NEGR1: variants seen among roughly 807,000 people sequenced by gnomAD.
NEGR1 encodes neuronal growth regulator 1.
A neutral mutation model predicts 40.9 loss-of-function variants in NEGR1; 10 were observed. That is an observed-to-expected ratio of 0.24 (90% CI 0.15 to 0.42). The LOEUF (loss-of-function observed/expected upper bound fraction) is 0.42, where lower values mean the gene tolerates loss of function less well. NEGR1 is among the 10% of genes least tolerant of loss of function. The pLI is 1.00. For missense variants in NEGR1, 352 were observed against 438.9 expected (o/e 0.80, Z 1.77); for synonymous variants, 185 against 166.8 (o/e 1.11, Z -0.84).
At chr1:72,174,513 G>C (rs1300017781) in intron 1 of NEGR1, among the ~76,000 whole-genome samples, 1 of 152,188 alleles carries the variant, frequency 6.6e-6, no homozygotes, top group East Asian at 1.9e-4. Context: ...CTCCAACTCT[G>C]AGTAAACATT....
rs183889915 is a variant in NEGR1 at position 72,136,096 on chromosome 1, A to C, written c.176+146223T>G. Among the ~76,000 whole-genome samples the C allele has an allele frequency of 5.2e-4, 79 of 152,282 alleles. 2 individuals are homozygous for C. The East Asian group carries it at 0.015, about 29-fold the overall frequency. On this transcript the variant is annotated intron_variant, in intron 1 of 6. Transcript: ENST00000357731. ...AGGCAAACAACAACATAAAATTCAC[A>C]CTGTCTAACATTCATTCAATAAACA...
chr1:72,161,676 C>CTTTTTTTTTTTTTTTTTTTT (rs779074685), intron 1 of NEGR1, among the ~76,000 whole-genome samples: 4 of 84,568 alleles, frequency 4.7e-5, no homozygotes, highest in African/African-American at 1.0e-4. Context: ...TTCTTTCTTT[C>CTTTTTTTTTTTTTTTTTTTT]TTTTTTTTTT....
intron 1 of NEGR1, among the ~76,000 whole-genome samples, chr1:71,988,748 G>A (rs1646424632): frequency 6.6e-6 from 1 of 151,368 alleles, no homozygotes; most frequent in African/African-American, 2.4e-5. Flanking sequence ...CTATTATAAA[G>A]AACCACATGA....
intron 2 of NEGR1, among the ~76,000 whole-genome samples, chr1:71,860,674 AAAC>A: frequency 6.6e-6 from 1 of 152,170 alleles, no homozygotes. Context: ...ACTAAAAGCA[AAAC>A]AACATGAAGC....
At chr1:71,882,184 T>C (rs1341114050) in intron 2 of NEGR1, among the ~76,000 whole-genome samples, 2 of 152,118 alleles carry the variant, frequency 1.3e-5, no homozygotes, top group Admixed American at 6.6e-5. Context: ...ACTTGCTTTG[T>C]AGTTAGAAGG....
chr1:71,563,872 G>T (rs1206348447), intron 6 of NEGR1, among the ~76,000 whole-genome samples: 1 of 151,696 alleles, frequency 6.6e-6, no homozygotes, highest in Non-Finnish European at 1.5e-5. Flanking sequence ...GACACAATTT[G>T]ACTTGAAAAT....
chr1:71,975,980 G>A (rs1646300173), intron 1 of NEGR1, among the ~76,000 whole-genome samples: 2 of 152,214 alleles, frequency 1.3e-5, no homozygotes, highest in African/African-American at 4.8e-5. Context: ...TTTAGACTGT[G>A]TTGTGTGGTT....
chr1:71,988,545 C>CA (rs1197884975), intron 1 of NEGR1, among the ~76,000 whole-genome samples: 6,506 of 39,598 alleles, frequency 0.16, 1,190 homozygotes, highest in Non-Finnish European at 0.22. Context: ...GACTCCGTCT[C>CA]AAAAAAAAAA....
chr1:71,743,002 A>ATC (rs1358158571), intron 3 of NEGR1, among the ~76,000 whole-genome samples: 1 of 151,976 alleles, frequency 6.6e-6, no homozygotes, highest in African/African-American at 2.4e-5. Context: ...AAGAGAGGTT[A>ATC]TCTCTCTCTC....
chr1:71,775,994 A>AAAATAAATAAAT (rs34165866), intron 3 of NEGR1, among the ~76,000 whole-genome samples, 178 bp downstream of exon 3: 2 of 141,828 alleles, frequency 1.4e-5, no homozygotes, highest in East Asian at 2.2e-4. Context: ...CTCTGTCTCA[A>AAAATAAATAAAT]AAATAAATAA....
At chr1:71,718,452 T>C (rs1410339848) in intron 3 of NEGR1, among the ~76,000 whole-genome samples, 2 of 152,178 alleles carry the variant, frequency 1.3e-5, no homozygotes, top group Non-Finnish European at 2.9e-5. Context: ...CTTTAAAGCC[T>C]GCAGAACTGT....
intron 2 of NEGR1, among the ~76,000 whole-genome samples, chr1:71,847,265 T>C (rs1274436957): frequency 6.6e-6 from 1 of 152,238 alleles, no homozygotes; most frequent in Non-Finnish European, 1.5e-5. Flanking sequence ...AGAAATTGCA[T>C]ATATTTACTG....
At chr1:71,629,260 T>C (rs1368142839) in intron 4 of NEGR1, among the ~76,000 whole-genome samples, 1 of 151,640 alleles carries the variant, frequency 6.6e-6, no homozygotes, top group African/African-American at 2.4e-5. Context: ...GATGGGGTTG[T>C]TAAAAAAAAA....
chr1:72,271,574 AAAAT>A (rs1245688371), intron 1 of NEGR1, among the ~76,000 whole-genome samples: 2 of 151,954 alleles, frequency 1.3e-5, no homozygotes, highest in African/African-American at 4.8e-5. Context: ...TCTATGTTCT[AAAAT>A]AAATATAGAC....
At chr1:72,034,750 T>A (rs944700031) in intron 1 of NEGR1, among the ~76,000 whole-genome samples, 1 of 152,162 alleles carries the variant, frequency 6.6e-6, no homozygotes, top group Non-Finnish European at 1.5e-5. Context: ...TTTCACAACA[T>A]GACCATAATA....
At chr1:71,953,638 G>C (rs1200401646) in intron 1 of NEGR1, among the ~76,000 whole-genome samples, 1 of 151,740 alleles carries the variant, frequency 6.6e-6, no homozygotes, top group Non-Finnish European at 1.5e-5. Flanking sequence ...TTTCATGTCA[G>C]AAAGAGTCAA....
chr1:71,694,892 G>T (rs945041393), intron 4 of NEGR1, among the ~76,000 whole-genome samples: 1 of 151,720 alleles, frequency 6.6e-6, no homozygotes. Flanking sequence ...GATTAATAAA[G>T]ATGAAAGGAA....
chr1:71,672,099 G>A (rs1311071113), intron 4 of NEGR1, among the ~76,000 whole-genome samples: 7 of 151,946 alleles, frequency 4.6e-5, no homozygotes, highest in Admixed American at 2.6e-4. Context: ...TAGTGATACG[G>A]AGCATGCCAA....
intron 6 of NEGR1, among the ~76,000 whole-genome samples, chr1:71,528,711 A>G (rs919518916): frequency 6.6e-6 from 1 of 151,252 alleles, no homozygotes; most frequent in Non-Finnish European, 1.5e-5. Context: ...TCTGTTGTTG[A>G]AAATGAGGCA....
Sources: allele counts gnomAD v4.1 joint callset (sites outside exome capture counted in the v4.1 genomes callset), GRCh38; gene constraint gnomAD v4.1.1; transcripts MANE v1.5; gene names NCBI Gene and HGNC (gene_info 2026-07-23, HGNC 2026-07-21).